Variants in SLC24A2 observed in about 807,000 individuals in gnomAD.
The protein encoded by SLC24A2 is sodium/potassium/calcium exchanger 2.
Under a neutral mutation model 62.0 loss-of-function variants are expected in SLC24A2, and 36 were observed. The ratio of observed to expected loss-of-function variants is 0.58; its 90% CI spans 0.44 to 0.77. The LOEUF (loss-of-function observed/expected upper bound fraction) is 0.77. Among genes scored for constraint, SLC24A2 ranks in the 30% least tolerant of loss-of-function variants. The pLI, the probability that SLC24A2 is intolerant of heterozygous loss-of-function variation, is 0.00. For synonymous variants in SLC24A2, 358 were observed against 294.0 expected, an observed-to-expected ratio of 1.22 and a Z score of -2.23; for missense variants, 846 against 817.9, an observed-to-expected ratio of 1.03 and a Z score of -0.42.
chr9:20,177,199 T>A, the SLC24A2 span, among the ~76,000 whole-genome samples: 1 of 152,124 alleles, frequency 6.6e-6, no homozygotes, highest in African/African-American at 2.4e-5. Flanking sequence ...GTTTGTCAAT[T>A]TAAGTTCATA....
chr9:19,827,774 T>G, the SLC24A2 span, among the ~76,000 whole-genome samples: 1 of 152,148 alleles, frequency 6.6e-6, no homozygotes. Flanking sequence ...CTTTTCTGCT[T>G]ATTAGCTGGG....
At chr9:19,592,038 C>G (rs1360113119) in intron 5 of SLC24A2, among the ~76,000 whole-genome samples, 2 of 152,302 alleles carry the variant, frequency 1.3e-5, no homozygotes, top group Non-Finnish European at 2.9e-5. Context: ...AACTTAATTT[C>G]TCTTTGAAAA....
the SLC24A2 span, among the ~76,000 whole-genome samples, chr9:20,122,432 A>G: frequency 6.6e-6 from 1 of 152,206 alleles, no homozygotes; most frequent in Non-Finnish European, 1.5e-5. Context: ...CACGCCTGTA[A>G]TCCCAGCACT....
At chr9:19,934,517 C>T in the SLC24A2 span, among the ~76,000 whole-genome samples, 1 of 152,104 alleles carries the variant, frequency 6.6e-6, no homozygotes, top group African/African-American at 2.4e-5. This position sits in a 1 kb window ranked among gnomAD's most constrained non-coding sequence, Gnocchi z 4.1. Context: ...CACCCCCGTT[C>T]CGGCCCCCGT....
chr9:19,572,312 G>T (rs531578897), intron 7 of SLC24A2, among the ~76,000 whole-genome samples: 114 of 150,502 alleles, frequency 7.6e-4, no homozygotes, highest in African/African-American at 2.7e-3. Flanking sequence ...ACCTTCAGCT[G>T]TGAGGTTAAA....
At chr9:20,239,388 C>G in the SLC24A2 span, among the ~76,000 whole-genome samples, 1 of 152,232 alleles carries the variant, frequency 6.6e-6, no homozygotes, top group African/African-American at 2.4e-5. Context: ...CTTGCTAAAT[C>G]TGGCAACCAC....
At chr9:19,606,888 G>A (rs555800710) in intron 4 of SLC24A2, among the ~76,000 whole-genome samples, 1 of 152,304 alleles carries the variant, frequency 6.6e-6, no homozygotes, top group South Asian at 2.1e-4. Flanking sequence ...GAGAGAAATG[G>A]ATCCTGACAG....
the SLC24A2 span, among the ~76,000 whole-genome samples, chr9:20,072,802 A>G: frequency 6.6e-6 from 1 of 152,156 alleles, no homozygotes; most frequent in Non-Finnish European, 1.5e-5. Context: ...GAAGAAGGCA[A>G]GGAAACAGAT....
At chr9:20,233,793 A>C in the SLC24A2 span, among the ~76,000 whole-genome samples, 1,316 of 152,190 alleles carry the variant, frequency 8.6e-3, 53 homozygotes, top group Admixed American at 0.07. Context: ...TTATTTTGCT[A>C]GTTAGTTGAT....
chr9:20,277,503 C>T, the SLC24A2 span, among the ~76,000 whole-genome samples: 1 of 151,870 alleles, frequency 6.6e-6, no homozygotes, highest in South Asian at 2.1e-4. Flanking sequence ...TCATCACTGG[C>T]CATCAGAGAA....
the SLC24A2 span, among the ~76,000 whole-genome samples, chr9:20,293,737 C>T: frequency 6.6e-6 from 1 of 152,112 alleles, no homozygotes; most frequent in African/African-American, 2.4e-5. Context: ...TCAAGAATAC[C>T]ATCCCTTCCC....
the SLC24A2 span, among the ~76,000 whole-genome samples, chr9:20,139,287 C>T: frequency 2.0e-5 from 3 of 152,340 alleles, no homozygotes; most frequent in South Asian, 6.2e-4. Flanking sequence ...AGGGCTACCC[C>T]TTACTCCCTG....
chr9:20,076,199 C>A, the SLC24A2 span, among the ~76,000 whole-genome samples: 2 of 152,028 alleles, frequency 1.3e-5, no homozygotes, highest in Non-Finnish European at 2.9e-5. Context: ...CAAGACTGAG[C>A]AAAAGAGTCA....
the SLC24A2 span, among the ~76,000 whole-genome samples, chr9:20,282,681 T>C: frequency 6.6e-6 from 1 of 152,202 alleles, no homozygotes; most frequent in Non-Finnish European, 1.5e-5. Flanking sequence ...TAGAAAAGTA[T>C]AAAGAAATGA....
chr9:20,167,458 A>C, the SLC24A2 span, among the ~76,000 whole-genome samples: 2 of 152,034 alleles, frequency 1.3e-5, no homozygotes, highest in South Asian at 2.1e-4. Context: ...AATTGGCAGC[A>C]GTTCAAATCT....
chr9:19,558,777 C>T (rs1161791778), intron 7 of SLC24A2, among the ~76,000 whole-genome samples: 1 of 152,210 alleles, frequency 6.6e-6, no homozygotes, highest in Non-Finnish European at 1.5e-5. Flanking sequence ...CCTCCCTCCT[C>T]TTTCATTATT....
chr9:19,551,135 C>T (rs1392207002), intron 7 of SLC24A2, among the ~76,000 whole-genome samples: 1 of 152,176 alleles, frequency 6.6e-6, no homozygotes, highest in Non-Finnish European at 1.5e-5. Flanking sequence ...CCTGTCACCC[C>T]CACACCCTTC....
At chr9:19,990,366 C>G in the SLC24A2 span, among the ~76,000 whole-genome samples, 1 of 152,122 alleles carries the variant, frequency 6.6e-6, no homozygotes, top group Non-Finnish European at 1.5e-5. Flanking sequence ...AATCCCTGCA[C>G]TTTGGGAGGC....
At chr9:20,036,319 A>C in the SLC24A2 span, among the ~76,000 whole-genome samples, 1 of 152,194 alleles carries the variant, frequency 6.6e-6, no homozygotes, top group Non-Finnish European at 1.5e-5. Context: ...AATATTTGAC[A>C]CTTGTTGTAA....
Sources: allele counts gnomAD v4.1 joint callset (sites outside exome capture counted in the v4.1 genomes callset), GRCh38; gene constraint gnomAD v4.1.1; non-coding constraint Gnocchi (gnomAD v3.1); transcripts MANE v1.5; gene names NCBI Gene and HGNC (gene_info 2026-07-23, HGNC 2026-07-21).